Variants in DUSP22 observed in about 807,000 individuals in gnomAD.
DUSP22 encodes the protein dual specificity phosphatase 22, also known as dual specificity protein phosphatase 22.
Under a neutral mutation model 24.5 loss-of-function variants are expected in DUSP22, and 24 were observed. That is an observed-to-expected ratio of 0.98 (90% confidence interval 0.71 to 1.38). The LOEUF is 1.38. Ranked by LOEUF, DUSP22 falls within the 40% of genes most tolerant of loss-of-function variation. The probability of loss-of-function intolerance (pLI) is 0.00; values close to 1 mark genes in which losing one functional copy is unlikely to be tolerated. For synonymous variants in DUSP22, 160 were observed against 106.4 expected (o/e 1.50, Z -3.10); for missense variants, 330 against 269.2 (o/e 1.23, Z -1.58).
intron 3 of DUSP22, among the ~76,000 whole-genome samples, chr6:322,588 G>A (rs912588638): frequency 4.4e-4 from 67 of 152,398 alleles, no homozygotes; most frequent in African/African-American, 1.6e-3. Flanking sequence ...AGTCTGAAAT[G>A]CTTTCAGAGG....
intron 2 of DUSP22, among the ~76,000 whole-genome samples, chr6:308,940 T>C (rs1757946451): frequency 6.6e-6 from 1 of 152,296 alleles, no homozygotes; most frequent in African/African-American, 2.4e-5. Flanking sequence ...CTCTACTGGG[T>C]CCTCGCCCCA....
chr6:311,531 T>C (rs1758091912), intron 2 of DUSP22, among the ~76,000 whole-genome samples: 1 of 152,272 alleles, frequency 6.6e-6, no homozygotes, highest in African/African-American at 2.4e-5. Flanking sequence ...ATACAAAAAA[T>C]TAGCCGGGCG....
intron 5 of DUSP22, among the ~76,000 whole-genome samples, chr6:346,275 A>G (rs1345233115): frequency 2.0e-5 from 3 of 152,306 alleles, no homozygotes; most frequent in Non-Finnish European, 2.9e-5. Flanking sequence ...CTGTAGGCTC[A>G]TCCTTGAAAC....
At chr6:337,468 G>T (rs552062078) in intron 4 of DUSP22, among the ~76,000 whole-genome samples, 185 of 152,344 alleles carry the variant, frequency 1.2e-3, no homozygotes, top group Non-Finnish European at 2.0e-3. Flanking sequence ...GCCTGCTTCA[G>T]TTACTTGAGA....
chr6:348,596 C>G, intron 6 of DUSP22, 173 bp from the exon 7 acceptor site: 1 of 1,149,956 alleles, frequency 8.7e-7, no homozygotes, highest in African/African-American at 1.5e-5. Flanking sequence ...AGGAGCAGTT[C>G]CTTCTCTTGC....
intron 3 of DUSP22, chr6:325,794 G>A (rs1490263882): frequency 1.3e-5 from 3 of 229,696 alleles, no homozygotes; most frequent in Admixed American, 6.2e-5. Flanking sequence ...TGTGTGCAGT[G>A]CTGTATCTGC....
intron 4 of DUSP22, among the ~76,000 whole-genome samples, chr6:338,834 T>A (rs1364457647): frequency 6.6e-6 from 1 of 152,304 alleles, no homozygotes; most frequent in Non-Finnish European, 1.5e-5. Flanking sequence ...TTCTGGCAAG[T>A]TATGCTTAGT....
Position 350,989 on chromosome 6 carries a change from G to C in DUSP22, c.*2038G>C. On this transcript the variant is annotated 3_prime_UTR_variant, in exon 7 of 7. Coordinates refer to ENST00000419235, the MANE Select transcript of DUSP22 (RefSeq NM_001286555.3). ...TTTGTAAACTTGTTTTTCATTTGAA[G>C]CTGAATATATACGTAGTCATGTTTA... 7.3e-7 allele frequency: 1 copy of C among 1,374,096 alleles called. No homozygotes were observed. The highest frequency in any genetic ancestry group is 1.2e-5 in the South Asian group (1 of 82,482). The allele number at this position is 1,374,096 out of a possible 1,614,324, so 85.1% of individuals were successfully genotyped here. A position where few individuals can be genotyped will look rare whatever the true frequency, so the allele number is the denominator to read the frequency against.
At position 351,107 on chromosome 6, in the gene DUSP22, T is replaced by TACAGGCATCC; in HGVS notation, c.*2157_*2158insCAGGCATCCA. ...TTTCTGTACCTCGCTTGGATGCCTG[T>TACAGGCATCC]AAGGATCCCGGGAGCCTTGCCGCAC... On this transcript the variant is annotated 3_prime_UTR_variant, in exon 7 of 7. Coordinates refer to ENST00000419235, the MANE Select transcript of DUSP22 (RefSeq NM_001286555.3). The TACAGGCATCC allele has an allele frequency of 1.6e-6, 1 of 644,818 alleles. No homozygotes were observed. Among genetic ancestry groups the TACAGGCATCC allele is most frequent in the Non-Finnish European group, 2.5e-6 (1 of 393,226 alleles). 39.9% of individuals were successfully genotyped at this position (644,818 alleles called of 1,614,324 possible).
intron 1 of DUSP22, among the ~76,000 whole-genome samples, chr6:298,253 CAT>C (rs3839617): frequency 0.11 from 16,082 of 147,558 alleles, 46 homozygotes; most frequent in East Asian, 0.29. Flanking sequence ...TGGTTAAGTC[CAT>C]GGCCAAATGG....
chr6:299,414 T>C (rs1247564500), intron 1 of DUSP22, among the ~76,000 whole-genome samples: 3 of 152,298 alleles, frequency 2.0e-5, no homozygotes, highest in Non-Finnish European at 2.9e-5. Context: ...GTCAAAATTT[T>C]TGGGTTTCAA....
chr6:319,562 A>T (rs1008545724), intron 3 of DUSP22, among the ~76,000 whole-genome samples: 1 of 152,300 alleles, frequency 6.6e-6, no homozygotes, highest in Non-Finnish European at 1.5e-5. Flanking sequence ...CTTTTTTAGG[A>T]CTCACAGATG....
intron 4 of DUSP22, among the ~76,000 whole-genome samples, chr6:342,912 C>T (rs533327996): frequency 6.6e-6 from 1 of 152,428 alleles, no homozygotes; most frequent in East Asian, 1.9e-4. Context: ...TATCTCCAGG[C>T]CAGCAGACTT....
chr6:329,817 A>G (rs1451977116), intron 3 of DUSP22, among the ~76,000 whole-genome samples: 1 of 152,300 alleles, frequency 6.6e-6, no homozygotes, highest in Non-Finnish European at 1.5e-5. Flanking sequence ...CTCCAATGAG[A>G]GAGTCTTCTG....
intron 3 of DUSP22, among the ~76,000 whole-genome samples, chr6:324,306 AG>A (rs1294012908): frequency 2.0e-5 from 3 of 152,288 alleles, no homozygotes; most frequent in Admixed American, 2.0e-4. Context: ...GAGGGCTTGG[AG>A]GAGTGCCGCC....
intron 2 of DUSP22, among the ~76,000 whole-genome samples, chr6:308,819 A>G (rs1757940961): frequency 6.6e-6 from 1 of 152,304 alleles, no homozygotes; most frequent in African/African-American, 2.4e-5. Flanking sequence ...GAAAGGAGAA[A>G]AGTAGATTGA....
In DUSP22 at chr6:349,848, C is replaced by A; in HGVS notation, c.*897C>A. 1.0e-6 allele frequency: 1 copy of A among 986,006 alleles called. No individual in the cohort carries two copies. The highest frequency in any genetic ancestry group is 1.2e-6 in the Non-Finnish European group (1 of 830,334). The allele number at this position is 986,006 out of a possible 1,614,324, so 61.1% of individuals were successfully genotyped here. A position where few individuals can be genotyped will look rare whatever the true frequency, so the allele number is the denominator to read the frequency against. On this transcript the variant is annotated 3_prime_UTR_variant, in exon 7 of 7. Coordinates refer to ENST00000419235, the MANE Select transcript of DUSP22 (RefSeq NM_001286555.3). ...GCACTTGAGCTCTGTGGTGGGCAGG[C>A]GCACTTTAGCCTAAGTTGGGTGCCC... is the stretch of plus-strand genomic sequence containing the variant.
chr6:310,762 T>C (rs1002071096), intron 2 of DUSP22, among the ~76,000 whole-genome samples: 1 of 152,304 alleles, frequency 6.6e-6, no homozygotes, highest in East Asian at 1.9e-4. Flanking sequence ...CCTAATATTA[T>C]GTGTCTCATG....
Position 348,918 on chromosome 6 carries a change from G to T in DUSP22, c.585G>T (p.Pro195=). The change falls in exon 7 of 7, where the codon CCG becomes CCT. Residue 195 remains proline (P), a synonymous_variant. Coordinates refer to ENST00000419235, the MANE Select transcript of DUSP22 (RefSeq NM_001286555.3). Reference sequence around the variant, plus strand: ...GGAGCAGTTTTCCGGCACTGGCTCCGCTGACCTACGATAATTATACGACGG... The same window carrying T: ...GGAGCAGTTTTCCGGCACTGGCTCCTCTGACCTACGATAATTATACGACGG... ...RRWSSFPALA[P]LTYDNYTTET is the part of the protein sequence containing the mutation. The T allele has an allele frequency of 6.2e-7, 1 of 1,611,542 alleles. No homozygotes were observed. The highest frequency in any genetic ancestry group is 1.1e-5 in the South Asian group (1 of 90,922).
Sources: allele counts gnomAD v4.1 joint callset (sites outside exome capture counted in the v4.1 genomes callset), GRCh38; gene constraint gnomAD v4.1.1; transcripts MANE v1.5; gene names NCBI Gene and HGNC (gene_info 2026-07-23, HGNC 2026-07-21).